PDS5B: variants seen among roughly 807,000 people sequenced by gnomAD.
PDS5B encodes the protein PDS5 cohesin associated factor B, also known as sister chromatid cohesion protein PDS5 homolog B.
Under a neutral mutation model 184.1 loss-of-function variants are expected in PDS5B, and 51 were observed. The ratio of observed to expected loss-of-function variants is 0.28; its 90% confidence interval spans 0.22 to 0.35. PDS5B has a LOEUF of 0.35. Ranked by LOEUF, PDS5B falls within the 10% of genes least tolerant of loss-of-function variation. The pLI is 1.00. For missense variants in PDS5B, 1,180 were observed against 1,723.3 expected (o/e 0.68, Z 5.58); for synonymous variants, 566 against 569.2 (o/e 0.99, Z 0.08).
At chr13:32,593,429 C>T (rs921740869) in intron 1 of PDS5B, among the ~76,000 whole-genome samples, 5 of 152,178 alleles carry the variant, frequency 3.3e-5, no homozygotes, top group Non-Finnish European at 7.3e-5. Flanking sequence ...CAACCTCTGC[C>T]TCATGGGTTC....
At chr13:32,766,919 A>C (rs140109048) in intron 31 of PDS5B, among the ~76,000 whole-genome samples, 4 of 152,288 alleles carry the variant, frequency 2.6e-5, no homozygotes, top group African/African-American at 9.6e-5. Context: ...AATTATAGTA[A>C]TTAAAATAAG....
intron 1 of PDS5B, among the ~76,000 whole-genome samples, chr13:32,608,515 C>T (rs2058095651): frequency 1.3e-5 from 2 of 152,116 alleles, no homozygotes; most frequent in Non-Finnish European, 1.5e-5. Context: ...TTGTATGCTT[C>T]TGAGTCTGGT....
At chr13:32,678,993 TAGG>T (rs1305656433) in intron 10 of PDS5B, 64 bp downstream of exon 10, 8 of 871,828 alleles carry the variant, frequency 9.2e-6, no homozygotes, top group Middle Eastern at 2.3e-4. Context: ...ATAAGTTTCA[TAGG>T]GGGAAAAAAA....
At chr13:32,587,266 G>A (rs889673171) in intron 1 of PDS5B, among the ~76,000 whole-genome samples, 1 of 151,708 alleles carries the variant, frequency 6.6e-6, no homozygotes, top group Admixed American at 6.6e-5. Context: ...GCCGCTCGCC[G>A]GAGGGAAATC....
chr13:32,643,055 C>T (rs1950138188), intron 1 of PDS5B, among the ~76,000 whole-genome samples: 1 of 152,120 alleles, frequency 6.6e-6, no homozygotes, highest in Non-Finnish European at 1.5e-5. Context: ...GTCACTCTGT[C>T]TACATTGTAT....
At chr13:32,602,667 G>T (rs951867160) in intron 1 of PDS5B, among the ~76,000 whole-genome samples, 2 of 152,210 alleles carry the variant, frequency 1.3e-5, no homozygotes, top group East Asian at 3.9e-4. Flanking sequence ...TTGAGGAATC[G>T]CCACACTGTC....
At chr13:32,641,663 G>A (rs1052541316) in intron 1 of PDS5B, among the ~76,000 whole-genome samples, 2 of 151,604 alleles carry the variant, frequency 1.3e-5, no homozygotes, top group African/African-American at 4.8e-5. Flanking sequence ...CTCCCCTGTG[G>A]GCTCCCACCA....
intron 1 of PDS5B, among the ~76,000 whole-genome samples, chr13:32,600,733 C>G (rs559979488): frequency 6.6e-6 from 1 of 152,274 alleles, no homozygotes; most frequent in East Asian, 1.9e-4. Context: ...AGTGAGACTT[C>G]GTCTTCAAAA....
chr13:32,725,628 A>C (rs1419621218), intron 19 of PDS5B, among the ~76,000 whole-genome samples: 1 of 152,176 alleles, frequency 6.6e-6, no homozygotes, highest in Non-Finnish European at 1.5e-5. Flanking sequence ...TGAAAGATGA[A>C]ATTCATGTTT....
chr13:32,770,917 T>TA (rs1419224922), intron 33 of PDS5B, 156 bp downstream of exon 33: 1 of 625,728 alleles, frequency 1.6e-6, no homozygotes, highest in Non-Finnish European at 2.9e-6. Flanking sequence ...TAGTGATTGA[T>TA]ATCTCAATAA....
chr13:32,630,871 G>A lies in PDS5B; in HGVS notation c.-19-17883G>A, dbSNP rs948530466. Among the ~76,000 whole-genome samples the A allele has an allele frequency of 2.7e-4, 41 of 149,480 alleles. No individual in the cohort carries two copies. The South Asian group carries it at 4.9e-3, about 18-fold the overall frequency. ...GCCATCTCGGCTTACTGTAACCTCCGCCTCCTGGATTCAAGTCATTCTCCT... is the reference window on the plus strand; with the variant it reads ...GCCATCTCGGCTTACTGTAACCTCCACCTCCTGGATTCAAGTCATTCTCCT... On this transcript the variant is annotated intron_variant, in intron 1 of 34. Coordinates refer to ENST00000315596, the MANE Select transcript of PDS5B (RefSeq NM_015032.4).
intron 2 of PDS5B, chr13:32,649,702 C>T (rs1336973444): frequency 6.6e-6 from 1 of 152,040 alleles, no homozygotes; most frequent in East Asian, 1.9e-4. Flanking sequence ...GAAAAAGATG[C>T]TAATACTATC....
chr13:32,769,724 A>G (rs564426758), intron 31 of PDS5B, among the ~76,000 whole-genome samples: 20 of 152,310 alleles, frequency 1.3e-4, no homozygotes, highest in African/African-American at 4.6e-4. Context: ...CTTACGCACT[A>G]TGTGGTAAAA....
chr13:32,706,443 G>A (rs1330165686), intron 17 of PDS5B, among the ~76,000 whole-genome samples: 2 of 151,968 alleles, frequency 1.3e-5, no homozygotes, highest in Non-Finnish European at 2.9e-5. Context: ...TGTTACCTAG[G>A]ATTCTTACAC....
chr13:32,593,252 A>G lies in PDS5B; in HGVS notation c.-20+6659A>G, dbSNP rs143566383. Among the ~76,000 whole-genome samples, 442 of 152,344 alleles carry G rather than the reference A, an allele frequency of 2.9e-3. 1 individual carries two copies. The highest frequency in any genetic ancestry group is 4.9e-3 in the Non-Finnish European group (331 of 68,034). On this transcript the variant is annotated intron_variant, in intron 1 of 34. Transcript: ENST00000315596. ...CTGGGTGACTACAGCTGACCCTTGAACAGCGAAGGGGTTAGGGGCACCAAC... is the reference window on the plus strand; with the variant it reads ...CTGGGTGACTACAGCTGACCCTTGAGCAGCGAAGGGGTTAGGGGCACCAAC...
chr13:32,643,724 A>G (rs1034362849), intron 1 of PDS5B, among the ~76,000 whole-genome samples: 1 of 152,170 alleles, frequency 6.6e-6, no homozygotes, highest in Non-Finnish European at 1.5e-5. Flanking sequence ...GCCTAGAAGC[A>G]ATAGGCTATA....
chr13:32,696,544 G>T (rs1483918524), intron 14 of PDS5B, among the ~76,000 whole-genome samples: 2 of 149,920 alleles, frequency 1.3e-5, no homozygotes, highest in East Asian at 3.9e-4. Flanking sequence ...TGTTCTTTCA[G>T]CTCTAAAAAA....
chr13:32,611,821 G>T (rs563008179), intron 1 of PDS5B, among the ~76,000 whole-genome samples: 1 of 150,914 alleles, frequency 6.6e-6, no homozygotes, highest in Non-Finnish European at 1.5e-5. Flanking sequence ...CACTGCCCCC[G>T]CCCCCCTTTT....
chr13:32,650,393 T>A (rs1950339533), intron 2 of PDS5B: 2 of 152,160 alleles, frequency 1.3e-5, no homozygotes, highest in Non-Finnish European at 2.9e-5. Flanking sequence ...TATGAAAAAA[T>A]TATGTAGGAT....
Sources: gnomAD v4.1 joint callset for allele counts (sites outside exome capture counted in the v4.1 genomes callset) on GRCh38, gnomAD v4.1.1 for gene constraint, MANE v1.5 for transcripts, NCBI Gene and HGNC (gene_info 2026-07-23, HGNC 2026-07-21) for gene names.